The following RBM17 variants were observed in gnomAD, a reference collection of about 807,000 sequenced individuals.
The protein encoded by RBM17 is splicing factor 45.
A neutral mutation model predicts 53.2 loss-of-function variants in RBM17; 7 were observed. That is an observed-to-expected ratio of 0.13 (90% CI 0.07 to 0.25). The LOEUF is 0.25. Ranked by LOEUF, RBM17 falls within the 10% of genes least tolerant of loss-of-function variation. The pLI is 1.00. For synonymous variants in RBM17, 167 were observed against 178.1 expected, an observed-to-expected ratio of 0.94 and a Z score of 0.50; for missense variants, 257 against 496.7, an observed-to-expected ratio of 0.52 and a Z score of 4.59.
intron 2 of RBM17, 56 bp from the exon 3 acceptor site, chr10:6,101,215 A>T (rs41295145): frequency 0.041 from 45,405 of 1,096,606 alleles, 1,690 homozygotes; most frequent in East Asian, 0.13. Flanking sequence ...TGTTGCAAAC[A>T]GTGTGAATTT....
At chr10:6,096,877 T>C in intron 1 of RBM17, 171 bp from the exon 2 acceptor site, 1 of 488,858 alleles carries the variant, frequency 2.0e-6, no homozygotes. Context: ...TAATCCATGG[T>C]CTAGCTTCAT....
chr10:6,110,151 A>G lies in RBM17; in HGVS notation c.704+24A>G, dbSNP rs776191334. ...GGGTAATGATTTAATGTTCTTATCT[A>G]AGGACTTGAGAGACAGTGTGAAGCG... On this transcript the variant is annotated intron_variant, in intron 7 of 11. Transcript: ENST00000379888. 4 of 1,591,530 alleles carry G rather than the reference A, an allele frequency of 2.5e-6. No homozygotes were observed. In the South Asian group the frequency reaches 3.4e-5, roughly 14 times the overall value.
chr10:6,096,917 C>G (rs1840585865), intron 1 of RBM17, 131 bp from the exon 2 acceptor site: 2 of 672,812 alleles, frequency 3.0e-6, no homozygotes, highest in East Asian at 2.8e-5. Context: ...ATTAATGGTA[C>G]CAGGAGCCTG....
At chr10:6,101,508 A>AT in intron 3 of RBM17, 121 bp downstream of exon 3, 2 of 460,748 alleles carry the variant, frequency 4.3e-6, no homozygotes, top group East Asian at 6.7e-5. Flanking sequence ...AGTTAGTATC[A>AT]TTTTCCACCT....
chr10:6,093,034 A>G (rs1423147453), intron 1 of RBM17, among the ~76,000 whole-genome samples: 1 of 152,194 alleles, frequency 6.6e-6, no homozygotes, highest in Non-Finnish European at 1.5e-5. Flanking sequence ...TAAATATTGA[A>G]TCTATTGATG....
intron 5 of RBM17, among the ~76,000 whole-genome samples, chr10:6,107,393 G>GTC (rs1564568424): frequency 1.3e-5 from 2 of 150,730 alleles, no homozygotes; most frequent in Non-Finnish European, 2.9e-5. Context: ...TGCCAGGCTG[G>GTC]TCTCAAACTC....
intron 11 of RBM17, 56 bp from the exon 12 acceptor site, chr10:6,115,391 ATTAAAG>A: frequency 6.5e-7 from 1 of 1,537,898 alleles, no homozygotes; most frequent in East Asian, 2.2e-5. Flanking sequence ...TTACTGTTTA[ATTAAAG>A]TTAAACCTTT....
intron 2 of RBM17, among the ~76,000 whole-genome samples, chr10:6,099,558 A>G (rs1204465347): frequency 2.0e-5 from 3 of 152,158 alleles, no homozygotes; most frequent in East Asian, 1.9e-4. Flanking sequence ...ACATCCTCCC[A>G]TATTTTAAAT....
intron 1 of RBM17, among the ~76,000 whole-genome samples, chr10:6,091,802 C>T (rs41295125): frequency 0.025 from 3,822 of 150,562 alleles, 74 homozygotes; most frequent in Non-Finnish European, 0.041. Flanking sequence ...CAATAGGCAG[C>T]ATAACTTGCC....
chr10:6,103,123 A>G (rs921839050), intron 3 of RBM17, among the ~76,000 whole-genome samples: 8 of 152,228 alleles, frequency 5.3e-5, no homozygotes, highest in East Asian at 3.9e-4. Flanking sequence ...AGATGTTTCT[A>G]TGTAATTAGG....
intron 4 of RBM17, among the ~76,000 whole-genome samples, chr10:6,105,621 T>C (rs1329277316): frequency 1.3e-5 from 2 of 152,258 alleles, no homozygotes; most frequent in African/African-American, 4.8e-5. Flanking sequence ...AATATTCTTC[T>C]TAACTTTACT....
At chr10:6,099,086 C>T (rs954113990) in intron 2 of RBM17, among the ~76,000 whole-genome samples, 1 of 151,716 alleles carries the variant, frequency 6.6e-6, no homozygotes, top group Non-Finnish European at 1.5e-5. Flanking sequence ...TCGTTTTTCT[C>T]TTTAATTTTT....
Position 6,114,343 on chromosome 10 carries a change from TGAA to T in RBM17, c.1029+200_1029+202del, listed in dbSNP as rs1290369152. 8 of 449,846 alleles carry T rather than the reference TGAA, an allele frequency of 1.8e-5. No homozygotes were observed. The Admixed American group carries it at 2.2e-4, about 12-fold the overall frequency. 27.9% of individuals were successfully genotyped at this position (449,846 alleles called of 1,614,324 possible). On this transcript the variant is annotated intron_variant, in intron 10 of 11. Coordinates refer to ENST00000379888, the MANE Select transcript of RBM17 (RefSeq NM_032905.5). ...GACAATGATTTCAAGTTTTATTTGA[TGAA>T]GAAACAGGAATGCTTCATGATTGAG...
intron 5 of RBM17, among the ~76,000 whole-genome samples, chr10:6,108,220 C>T (rs1474784091): frequency 6.6e-6 from 1 of 152,134 alleles, no homozygotes; most frequent in East Asian, 1.9e-4. Context: ...GGGTTTACTC[C>T]CTTTCTGTTG....
At chr10:6,104,880 A>G (rs947121544) in intron 3 of RBM17, 51 bp from the exon 4 acceptor site, 1 of 1,517,998 alleles carries the variant, frequency 6.6e-7, no homozygotes, top group Non-Finnish European at 9.1e-7. Flanking sequence ...TCCTGTGAGT[A>G]AACTGGTAAG....
At chr10:6,102,941 A>G (rs892118098) in intron 3 of RBM17, among the ~76,000 whole-genome samples, 41 of 152,166 alleles carry the variant, frequency 2.7e-4, no homozygotes, top group Admixed American at 1.4e-3. Context: ...TTAGGACCAC[A>G]GGCATATGCC....
intron 4 of RBM17, 97 bp downstream of exon 4, chr10:6,105,194 A>C (rs1840730326): frequency 8.9e-7 from 1 of 1,124,178 alleles, no homozygotes; most frequent in Non-Finnish European, 1.3e-6. Flanking sequence ...GCTGAAGTTA[A>C]TTGTCATGGG....
chr10:6,112,558 A>C lies in RBM17; in HGVS notation c.856+197A>C. On this transcript the variant is annotated intron_variant, in intron 8 of 11. Transcript: ENST00000379888. The surrounding 1 kb of genome is among the most constrained non-coding windows in gnomAD (Gnocchi z 4.4). The stretch of plus-strand genomic sequence containing the variant: ...ACTGCCACTTCCGTTTTGTGAAACC[A>C]GGAATCCTGAGGCTCATCTTTATTT... The C allele has an allele frequency of 1.6e-6, 1 of 614,902 alleles. No homozygotes were observed. Among genetic ancestry groups the C allele is most frequent in the Non-Finnish European group, 2.9e-6 (1 of 343,100 alleles). The allele number at this position is 614,902 out of a possible 1,614,324, so 38.1% of individuals were successfully genotyped here.
In RBM17 at chr10:6,097,039, G is replaced by A; in HGVS notation, c.-18-9G>A. 1 of 1,607,030 alleles carries A rather than the reference G, an allele frequency of 6.2e-7. No individual in the cohort carries two copies. The stretch of plus-strand genomic sequence containing the variant: ...GCATTCTTTAATCCCCACCCCTTTT[G>A]CCTTTCAGCATTAAACTGAAGAAAA... On this transcript the variant is annotated splice_polypyrimidine_tract_variant and intron_variant, in intron 1 of 11. Coordinates refer to ENST00000379888, the MANE Select transcript of RBM17 (RefSeq NM_032905.5).
Sources: allele counts gnomAD v4.1 joint callset (sites outside exome capture counted in the v4.1 genomes callset), GRCh38; gene constraint gnomAD v4.1.1; non-coding constraint Gnocchi (gnomAD v3.1); transcripts MANE v1.5; gene names NCBI Gene and HGNC (gene_info 2026-07-23, HGNC 2026-07-21).